Variants in RAD51B observed in about 807,000 individuals in gnomAD.
The protein encoded by RAD51B is RAD51 paralog B.
In RAD51B, 38 loss-of-function variants were observed where a neutral mutation model predicts 42.2. The ratio of observed to expected loss-of-function variants is 0.90; its 90% CI spans 0.70 to 1.18. The LOEUF (loss-of-function observed/expected upper bound fraction) is 1.18, where lower values mean the gene tolerates loss of function less well. RAD51B is among the 50% of genes most tolerant of loss of function. The pLI, the probability that RAD51B is intolerant of heterozygous loss-of-function variation, is 0.00. For synonymous variants in RAD51B, 154 were observed against 145.2 expected (o/e 1.06, Z -0.43); for missense variants, 373 against 400.7 (o/e 0.93, Z 0.59).
intron 10 of RAD51B, among the ~76,000 whole-genome samples, chr14:68,498,604 G>A (rs573024177): frequency 7.0e-4 from 106 of 152,232 alleles, no homozygotes; most frequent in African/African-American, 2.4e-3. Context: ...CCAGAAATAG[G>A]AGGAACACCT....
At chr14:67,990,073 C>G (rs1483639871) in intron 7 of RAD51B, among the ~76,000 whole-genome samples, 3 of 147,896 alleles carry the variant, frequency 2.0e-5, no homozygotes, top group Non-Finnish European at 4.4e-5. Flanking sequence ...TCTCGGCTCA[C>G]TGCAACCTCT....
intron 10 of RAD51B, among the ~76,000 whole-genome samples, chr14:68,567,548 G>C (rs1425539921): frequency 6.6e-6 from 1 of 152,152 alleles, no homozygotes; most frequent in Non-Finnish European, 1.5e-5. Flanking sequence ...CTATGGGTTT[G>C]TTACCACATG....
intron 10 of RAD51B, among the ~76,000 whole-genome samples, chr14:68,620,148 G>T (rs1031230544): frequency 6.6e-6 from 1 of 152,088 alleles, no homozygotes; most frequent in Non-Finnish European, 1.5e-5. Context: ...GCTTAAACAT[G>T]ATATTGCATC....
intron 7 of RAD51B, among the ~76,000 whole-genome samples, chr14:68,005,847 G>A (rs533236971): frequency 1.3e-5 from 2 of 152,232 alleles, no homozygotes; most frequent in African/African-American, 2.4e-5. Context: ...GAAGCATAAC[G>A]GCTTCTGGGG....
intron 7 of RAD51B, chr14:67,908,517 T>C (rs562976956): frequency 6.6e-6 from 1 of 152,284 alleles, no homozygotes; most frequent in East Asian, 1.9e-4. Context: ...GTTTTTTTTT[T>C]TTTAACTGAG....
chr14:68,159,177 A>G (rs900333732), intron 7 of RAD51B, among the ~76,000 whole-genome samples: 24 of 152,166 alleles, frequency 1.6e-4, no homozygotes, highest in Non-Finnish European at 1.5e-4. Flanking sequence ...TGAGTTGACA[A>G]TTATTAAAGC....
At chr14:68,584,336 G>A (rs1397975901) in intron 10 of RAD51B, among the ~76,000 whole-genome samples, 1 of 152,200 alleles carries the variant, frequency 6.6e-6, no homozygotes, top group Non-Finnish European at 1.5e-5. Context: ...TGAGGGTCCT[G>A]ATCTTGTTAC....
chr14:68,682,176 G>T (rs1038190823), intron 11 of RAD51B, among the ~76,000 whole-genome samples: 3 of 152,112 alleles, frequency 2.0e-5, no homozygotes, highest in African/African-American at 7.2e-5. Flanking sequence ...GAGACCTACA[G>T]ATATTAAATT....
chr14:68,510,465 C>A (rs987008806), intron 10 of RAD51B, among the ~76,000 whole-genome samples: 1 of 152,186 alleles, frequency 6.6e-6, no homozygotes, highest in Admixed American at 6.5e-5. Flanking sequence ...GTGTATGGAG[C>A]GCCAAGGCAG....
intron 7 of RAD51B, among the ~76,000 whole-genome samples, chr14:68,163,474 C>T (rs1198504175): frequency 1.3e-5 from 2 of 152,192 alleles, no homozygotes; most frequent in East Asian, 3.8e-4. Context: ...CCCGATGGTC[C>T]TTCAGCTCAT....
intron 7 of RAD51B, among the ~76,000 whole-genome samples, chr14:68,035,985 A>G (rs75010233): frequency 0.01 from 1,576 of 152,298 alleles, 27 homozygotes; most frequent in African/African-American, 0.036. Flanking sequence ...TTTCAAAGAC[A>G]ATTTTACCTG....
chr14:68,582,942 G>C (rs1890277112), intron 10 of RAD51B, among the ~76,000 whole-genome samples: 1 of 152,118 alleles, frequency 6.6e-6, no homozygotes, highest in African/African-American at 2.4e-5. Context: ...TCATAAGCGG[G>C]AGTTGAACAA....
chr14:67,996,015 G>A (rs929539689), intron 7 of RAD51B, among the ~76,000 whole-genome samples: 113 of 152,178 alleles, frequency 7.4e-4, no homozygotes, highest in African/African-American at 2.7e-3. Flanking sequence ...GATGGTGTCA[G>A]TTCTGTGAAA....
intron 10 of RAD51B, among the ~76,000 whole-genome samples, chr14:68,617,021 G>C (rs1227287441): frequency 6.6e-6 from 1 of 151,978 alleles, no homozygotes; most frequent in African/African-American, 2.4e-5. Context: ...TAACGTGCCT[G>C]TCTGTTCATT....
At chr14:68,237,759 C>T (rs1476013578) in intron 7 of RAD51B, among the ~76,000 whole-genome samples, 2 of 107,668 alleles carry the variant, frequency 1.9e-5, no homozygotes, top group Admixed American at 1.3e-4. Context: ...TTTTTTGAGA[C>T]GGAGTCTTGC....
intron 10 of RAD51B, chr14:68,497,450 G>C: frequency 9.3e-7 from 1 of 1,079,598 alleles, no homozygotes; most frequent in Non-Finnish European, 1.1e-6. Flanking sequence ...ATGGGAATGA[G>C]AGCAAGGGTT....
chr14:68,020,023 C>G (rs1332551195), intron 7 of RAD51B, among the ~76,000 whole-genome samples: 2 of 152,176 alleles, frequency 1.3e-5, no homozygotes, highest in Non-Finnish European at 2.9e-5. Context: ...GTGTACCCAG[C>G]TAAGCTTTGG....
intron 7 of RAD51B, among the ~76,000 whole-genome samples, chr14:68,184,397 G>A (rs879521282): frequency 2.0e-5 from 3 of 151,894 alleles, no homozygotes; most frequent in Non-Finnish European, 2.9e-5. Flanking sequence ...CACCATGCCT[G>A]GCTAATATTT....
At chr14:68,602,362 C>G (rs1891252905) in intron 10 of RAD51B, among the ~76,000 whole-genome samples, 1 of 152,060 alleles carries the variant, frequency 6.6e-6, no homozygotes, top group Admixed American at 6.6e-5. Context: ...CCTCCCTCAC[C>G]CACTCTGAAT....
Sources: gnomAD v4.1 joint callset for allele counts (sites outside exome capture counted in the v4.1 genomes callset) on GRCh38, gnomAD v4.1.1 for gene constraint, MANE v1.5 for transcripts, NCBI Gene and HGNC (gene_info 2026-07-23, HGNC 2026-07-21) for gene names.